Variants in ATXN10 observed in about 807,000 individuals in gnomAD.
ATXN10 encodes ataxin-10.
In ATXN10, 28 loss-of-function variants were observed where a neutral mutation model predicts 52.9. The observed-to-expected ratio is 0.53, with a 90% CI of 0.39 to 0.73. The LOEUF (loss-of-function observed/expected upper bound fraction) is 0.73. Ranked by LOEUF, ATXN10 falls within the 30% of genes least tolerant of loss-of-function variation. The pLI, the probability that ATXN10 is intolerant of heterozygous loss-of-function variation, is 0.00. For synonymous variants in ATXN10, 226 were observed against 221.5 expected, an observed-to-expected ratio of 1.02 and a Z score of -0.18; for missense variants, 565 against 577.0, an observed-to-expected ratio of 0.98 and a Z score of 0.21.
chr22:45,751,740 G>GAAAAAAAAAAAAAAAA (rs200364242), intron 9 of ATXN10, among the ~76,000 whole-genome samples: 1 of 45,490 alleles, frequency 2.2e-5, no homozygotes, highest in Non-Finnish European at 3.7e-5. Flanking sequence ...CCTTTTTCTG[G>GAAAAAAAAAAAAAAAA]AAAAAAAAAA....
rs972835160 is a variant in ATXN10, at chr22:45,763,056, C to T, written c.1173+22518C>T. On this transcript the variant is annotated intron_variant, in intron 9 of 11. Transcript: ENST00000252934. The surrounding 1 kb of genome is among the most constrained non-coding windows in gnomAD (Gnocchi z 6.9). ...ATGGCCTCTCCTGCGCAAAGAACTGCGTGGTCCCTTTTCCTGGAGTAGGAG... is the reference window on the plus strand; with the variant it reads ...ATGGCCTCTCCTGCGCAAAGAACTGTGTGGTCCCTTTTCCTGGAGTAGGAG... Among the ~76,000 whole-genome samples, 10 of 152,190 alleles carry T rather than the reference C, an allele frequency of 6.6e-5. No individual in the cohort carries two copies. Among genetic ancestry groups the T allele is most frequent in the African/African-American group, 2.4e-4 (10 of 41,438 alleles).
chr22:45,749,559 C>G (rs903693822), intron 9 of ATXN10, among the ~76,000 whole-genome samples: 3 of 151,738 alleles, frequency 2.0e-5, no homozygotes, highest in Admixed American at 6.6e-5. Context: ...TTTTCTTTCC[C>G]TTTCTTTTTT....
At chr22:45,700,642 C>T (rs1321127486) in intron 4 of ATXN10, among the ~76,000 whole-genome samples, 2 of 151,994 alleles carry the variant, frequency 1.3e-5, no homozygotes, top group Non-Finnish European at 2.9e-5. Context: ...TGTATGTACA[C>T]TTAAGATTTA....
chr22:45,758,831 A>G (rs1289243265), intron 9 of ATXN10, among the ~76,000 whole-genome samples: 1 of 152,212 alleles, frequency 6.6e-6, no homozygotes, highest in East Asian at 1.9e-4. Context: ...AGGCATCAGT[A>G]ATCTTTATAG....
In ATXN10 at chr22:45,835,020, G is replaced by A. The variant is rs535435096; in HGVS notation, c.1238-7971G>A. Among the ~76,000 whole-genome samples the A allele has an allele frequency of 7.8e-4, 119 of 152,324 alleles. No homozygotes were observed. Among genetic ancestry groups the A allele is most frequent in the Admixed American group, 2.9e-3 (44 of 15,300 alleles). On this transcript the variant is annotated intron_variant, in intron 10 of 11. Transcript: ENST00000252934. This position sits in a 1 kb window ranked among gnomAD's most constrained non-coding sequence, Gnocchi z 5.0. ...CCAGACTGTGACTGCTTCGTACCAC[G>A]CTTTGCTTTGAAGTGGTCAGTAAAA...
intron 9 of ATXN10, among the ~76,000 whole-genome samples, chr22:45,751,849 T>G (rs913516979): frequency 2.7e-5 from 4 of 148,728 alleles, no homozygotes; most frequent in African/African-American, 7.3e-5. Flanking sequence ...TTTAGTTTTT[T>G]TTTTTTTTTT....
At chr22:45,704,596 A>G (rs1923967626) in intron 5 of ATXN10, among the ~76,000 whole-genome samples, 1 of 152,236 alleles carries the variant, frequency 6.6e-6, no homozygotes, top group South Asian at 2.1e-4. Context: ...GTGTAGAAAT[A>G]CAACTGATTT....
intron 1 of ATXN10, among the ~76,000 whole-genome samples, chr22:45,686,192 G>A (rs1014912664): frequency 6.6e-6 from 1 of 152,200 alleles, no homozygotes; most frequent in African/African-American, 2.4e-5. Context: ...CTGGCTCTGA[G>A]CACAAGCTCT....
intron 9 of ATXN10, 68 bp from the exon 10 acceptor site, chr22:45,806,891 A>T (rs1032567991): frequency 8.3e-7 from 1 of 1,207,714 alleles, no homozygotes; most frequent in African/African-American, 1.5e-5. Context: ...AAAAGGAACA[A>T]GTCATCTGTA....
Position 45,769,227 on chromosome 22 carries a change from A to G in ATXN10, c.1173+28689A>G, listed in dbSNP as rs548308439. On this transcript the variant is annotated intron_variant, in intron 9 of 11. Coordinates refer to ENST00000252934, the MANE Select transcript of ATXN10 (RefSeq NM_013236.4). The surrounding 1 kb of genome is among the most constrained non-coding windows in gnomAD (Gnocchi z 4.2). ...GCTCTTGGTGGGTAGGGGACTCATC[A>G]TGGAATCTGAAAGGCAGCTTTATCA... Among the ~76,000 whole-genome samples the G allele has an allele frequency of 6.6e-6, 1 of 152,152 alleles. No individual in the cohort carries two copies. The highest frequency in any genetic ancestry group is 1.5e-5 in the Non-Finnish European group (1 of 68,028).
intron 3 of ATXN10, among the ~76,000 whole-genome samples, chr22:45,698,378 T>C (rs1276125957): frequency 6.6e-6 from 1 of 152,230 alleles, no homozygotes; most frequent in South Asian, 2.1e-4. Context: ...ATTTCCTAAA[T>C]GATCACGTAC....
At chr22:45,752,626 G>A (rs1422556772) in intron 9 of ATXN10, among the ~76,000 whole-genome samples, 1 of 152,066 alleles carries the variant, frequency 6.6e-6, no homozygotes, top group African/African-American at 2.4e-5. Flanking sequence ...TTGGCTGCAC[G>A]ATGGGCTCTG....
chr22:45,717,575 A>T lies in ATXN10; in HGVS notation c.648-838A>T, dbSNP rs981136879. 6.6e-5 allele frequency among the ~76,000 whole-genome samples: 10 copies of T among 152,316 alleles called. No individual in the cohort carries two copies. In the South Asian group the frequency reaches 1.7e-3, roughly 25 times the overall value. On this transcript the variant is annotated intron_variant, in intron 5 of 11. Transcript: ENST00000252934. Reference sequence around the variant, plus strand: ...ATTTTAAATGCTGTAGAGGAAATAGAATATGTATTTGGATTTCGCTTTTAT... The same window carrying T: ...ATTTTAAATGCTGTAGAGGAAATAGTATATGTATTTGGATTTCGCTTTTAT...
rs1303939710 is a variant in ATXN10 at position 45,763,207 on chromosome 22, G to C, written c.1173+22669G>C. Among the ~76,000 whole-genome samples, 2 of 152,168 alleles carry C rather than the reference G, an allele frequency of 1.3e-5. No homozygotes were observed. The highest frequency in any genetic ancestry group is 2.9e-5 in the Non-Finnish European group (2 of 68,020). On this transcript the variant is annotated intron_variant, in intron 9 of 11. Transcript: ENST00000252934. This position sits in a 1 kb window ranked among gnomAD's most constrained non-coding sequence, Gnocchi z 6.9. ...AGGGCTGCCGGGCAGTGTTCTGGGG[G>C]CAGGGAGGTGGTGGGAGAATCTGGA...
chr22:45,721,540 C>T (rs537865521), intron 6 of ATXN10, among the ~76,000 whole-genome samples: 29 of 152,254 alleles, frequency 1.9e-4, no homozygotes, highest in Non-Finnish European at 3.5e-4. Flanking sequence ...ACCTCAGTAC[C>T]TCTGTAACCC....
chr22:45,768,078 A>T (rs953842947), intron 9 of ATXN10, among the ~76,000 whole-genome samples: 1 of 152,370 alleles, frequency 6.6e-6, no homozygotes, highest in South Asian at 2.1e-4. Context: ...AAATAGCAGT[A>T]TGAAATCATG....
intron 8 of ATXN10, 75 bp downstream of exon 8, chr22:45,738,914 A>C: frequency 5.5e-6 from 7 of 1,278,260 alleles, no homozygotes; most frequent in East Asian, 2.3e-5. Flanking sequence ...AAATCCAAAT[A>C]CAAATCCTTA....
chr22:45,691,230 C>A (rs727699), intron 2 of ATXN10, among the ~76,000 whole-genome samples: 132,421 of 152,184 alleles, frequency 0.87, 57,938 homozygotes, highest in African/African-American at 0.96. Context: ...TTTCCAGTCA[C>A]AAGGTGCTCT....
intron 9 of ATXN10, among the ~76,000 whole-genome samples, chr22:45,751,964 C>T (rs565424043): frequency 4.6e-5 from 7 of 150,832 alleles, no homozygotes; most frequent in Admixed American, 1.3e-4. Context: ...CCCACCCCCA[C>T]GTTTTAAAAG....
Sources: allele counts gnomAD v4.1 joint callset (sites outside exome capture counted in the v4.1 genomes callset), GRCh38; gene constraint gnomAD v4.1.1; non-coding constraint Gnocchi (gnomAD v3.1); transcripts MANE v1.5; gene names NCBI Gene and HGNC (gene_info 2026-07-23, HGNC 2026-07-21).